CDH18: variants seen among roughly 807,000 people sequenced by gnomAD.
CDH18 encodes the protein cadherin-18.
A neutral mutation model predicts 67.9 loss-of-function variants in CDH18; 31 were observed. That is an observed-to-expected ratio of 0.46 (90% CI 0.34 to 0.62). The LOEUF (loss-of-function observed/expected upper bound fraction) is 0.62. Among genes scored for constraint, CDH18 ranks in the 20% least tolerant of loss-of-function variants. CDH18 has a pLI of 0.01. For synonymous variants in CDH18, 362 were observed against 347.2 expected (o/e 1.04, Z -0.48); for missense variants, 890 against 975.5 (o/e 0.91, Z 1.17).
intron 7 of CDH18, among the ~76,000 whole-genome samples, chr5:19,582,855 A>G (rs1027676480): frequency 1.3e-5 from 2 of 151,944 alleles, no homozygotes; most frequent in African/African-American, 2.4e-5. Flanking sequence ...ACTAAATGCA[A>G]GTCAAAGGAA....
At chr5:20,281,866 G>C (rs2126702845) in intron 1 of CDH18, among the ~76,000 whole-genome samples, 1 of 152,192 alleles carries the variant, frequency 6.6e-6, no homozygotes, top group East Asian at 1.9e-4. Context: ...TCTTCCATTT[G>C]TTTGTATCCT....
At chr5:19,752,277 C>T (rs997191507) in intron 3 of CDH18, among the ~76,000 whole-genome samples, 14 of 151,984 alleles carry the variant, frequency 9.2e-5, no homozygotes, top group South Asian at 2.1e-4. Context: ...GCGGGTTAGC[C>T]GGCGGTAAGT....
chr5:19,487,536 G>A (rs1414357091), intron 11 of CDH18, among the ~76,000 whole-genome samples: 1 of 152,040 alleles, frequency 6.6e-6, no homozygotes, highest in East Asian at 1.9e-4. Flanking sequence ...TGACAAAAGG[G>A]CCCCTGAAAA....
chr5:19,492,865 C>T (rs1046564151), intron 11 of CDH18, among the ~76,000 whole-genome samples: 1 of 152,072 alleles, frequency 6.6e-6, no homozygotes, highest in Non-Finnish European at 1.5e-5. Context: ...CTAGCCACCA[C>T]AATTTGGTAC....
At chr5:20,055,881 T>C (rs1741852522) in intron 2 of CDH18, among the ~76,000 whole-genome samples, 1 of 152,086 alleles carries the variant, frequency 6.6e-6, no homozygotes, top group South Asian at 2.1e-4. Flanking sequence ...TCTAAGATCA[T>C]TATGAGCAAT....
chr5:20,347,912 C>T (rs139876957), intron 1 of CDH18, among the ~76,000 whole-genome samples: 1 of 152,230 alleles, frequency 6.6e-6, no homozygotes, highest in Non-Finnish European at 1.5e-5. Context: ...ACTTGCTTTC[C>T]AGCCCCCTCT....
chr5:19,632,457 G>C (rs1752546923), intron 5 of CDH18, among the ~76,000 whole-genome samples: 3 of 152,182 alleles, frequency 2.0e-5, no homozygotes, highest in Non-Finnish European at 4.4e-5. Flanking sequence ...CAAATGTACA[G>C]TTATTTTGCC....
chr5:20,104,614 C>T (rs914050069), intron 2 of CDH18, among the ~76,000 whole-genome samples: 1 of 152,224 alleles, frequency 6.6e-6, no homozygotes, highest in East Asian at 1.9e-4. Context: ...CTTAACTTCC[C>T]CACCTGTCCA....
intron 2 of CDH18, among the ~76,000 whole-genome samples, chr5:20,133,868 T>C (rs766743956): frequency 6.6e-6 from 1 of 152,178 alleles, no homozygotes; most frequent in African/African-American, 2.4e-5. Flanking sequence ...GAAAGTTCTT[T>C]GACATTATCA....
intron 1 of CDH18, among the ~76,000 whole-genome samples, chr5:20,330,580 G>A (rs1256326724): frequency 6.6e-6 from 1 of 152,128 alleles, no homozygotes; most frequent in Admixed American, 6.6e-5. Flanking sequence ...ACTGGTATAT[G>A]ACCTTCTAGC....
intron 9 of CDH18, among the ~76,000 whole-genome samples, chr5:19,526,665 C>T (rs78185096): frequency 6.6e-6 from 1 of 151,946 alleles, no homozygotes; most frequent in African/African-American, 2.4e-5. Flanking sequence ...TAAATATGTG[C>T]CACCCAAACA....
chr5:19,834,497 T>G (rs1456698194), intron 3 of CDH18, among the ~76,000 whole-genome samples: 1 of 152,058 alleles, frequency 6.6e-6, no homozygotes, highest in Non-Finnish European at 1.5e-5. Context: ...ACTGATTTTT[T>G]GGAGGGTTTT....
chr5:20,069,247 C>CT (rs1425753435), intron 2 of CDH18, among the ~76,000 whole-genome samples: 1 of 152,000 alleles, frequency 6.6e-6, no homozygotes, highest in East Asian at 1.9e-4. Flanking sequence ...GCTATGCTTT[C>CT]TATCTGGGCT....
At chr5:19,500,850 G>A (rs1455783277) in intron 11 of CDH18, among the ~76,000 whole-genome samples, 1 of 152,058 alleles carries the variant, frequency 6.6e-6, no homozygotes, top group Non-Finnish European at 1.5e-5. Context: ...GTAATTAGCG[G>A]CCAGTCACGG....
chr5:19,937,166 T>G (rs1310334997), intron 2 of CDH18, among the ~76,000 whole-genome samples: 1 of 151,350 alleles, frequency 6.6e-6, no homozygotes, highest in Non-Finnish European at 1.5e-5. Context: ...GGACAGAAAT[T>G]TAAGAAACTG....
At chr5:20,328,113 G>A (rs192043996) in intron 1 of CDH18, among the ~76,000 whole-genome samples, 1 of 152,018 alleles carries the variant, frequency 6.6e-6, no homozygotes, top group Admixed American at 6.6e-5. Flanking sequence ...CATAATGAGG[G>A]AGGAAGGAAG....
At chr5:20,501,580 ATT>A (rs1754309042) in intron 1 of CDH18, among the ~76,000 whole-genome samples, 1 of 12,410 alleles carries the variant, frequency 8.1e-5, no homozygotes. Flanking sequence ...ATATATATAT[ATT>A]ATATATATAT....
intron 2 of CDH18, among the ~76,000 whole-genome samples, chr5:20,175,397 G>A (rs1737154629): frequency 6.6e-6 from 1 of 152,016 alleles, no homozygotes; most frequent in African/African-American, 2.4e-5. Context: ...AGTTTCTTGT[G>A]GTTGATACTG....
intron 1 of CDH18, among the ~76,000 whole-genome samples, chr5:20,274,381 G>C (rs1561930558): frequency 6.7e-6 from 1 of 149,610 alleles, no homozygotes; most frequent in Non-Finnish European, 1.5e-5. Context: ...ATCCCTTCCA[G>C]AAAAAAAACC....
Sources: gnomAD v4.1 joint callset for allele counts (sites outside exome capture counted in the v4.1 genomes callset) on GRCh38, gnomAD v4.1.1 for gene constraint, MANE v1.5 for transcripts, NCBI Gene and HGNC (gene_info 2026-07-23, HGNC 2026-07-21) for gene names.